The following NDNF variants were observed in gnomAD, a reference collection of about 807,000 sequenced individuals.
NDNF encodes the protein protein NDNF.
A neutral mutation model predicts 42.0 loss-of-function variants in NDNF; 16 were observed. The ratio of observed to expected loss-of-function variants is 0.38; its 90% confidence interval spans 0.26 to 0.58. NDNF has a LOEUF of 0.58. Among genes scored for constraint, NDNF ranks in the 20% least tolerant of loss-of-function variants. The pLI, the probability that NDNF is intolerant of heterozygous loss-of-function variation, is 0.67. For missense variants in NDNF, 616 were observed against 666.2 expected, an observed-to-expected ratio of 0.92 and a Z score of 0.83; for synonymous variants, 248 against 251.7, an observed-to-expected ratio of 0.99 and a Z score of 0.14.
chr4:121,054,788 A>G (rs527264186), intron 1 of NDNF, among the ~76,000 whole-genome samples: 1 of 152,190 alleles, frequency 6.6e-6, no homozygotes, highest in African/African-American at 2.4e-5. Context: ...TCACATCCAT[A>G]TTAAGGGGTT....
At chr4:121,039,058 T>C (rs1359022229) in intron 3 of NDNF, 9 of 147,770 alleles carry the variant, frequency 6.1e-5, no homozygotes, top group Non-Finnish European at 1.3e-4. Context: ...CACACTTCCA[T>C]AATTTTCCTA....
intron 2 of NDNF, 104 bp from the exon 3 acceptor site, chr4:121,040,158 A>G (rs938553139): frequency 8.3e-6 from 9 of 1,088,276 alleles, no homozygotes; most frequent in Non-Finnish European, 1.0e-5. Context: ...TTCATTTTAT[A>G]AATTTTATAA....
chr4:121,069,822 C>G (rs1727559291), intron 1 of NDNF, among the ~76,000 whole-genome samples: 1 of 152,008 alleles, frequency 6.6e-6, no homozygotes, highest in Admixed American at 6.5e-5. Flanking sequence ...CCCAGTTGTC[C>G]CTCTCTCCCC....
intron 1 of NDNF, among the ~76,000 whole-genome samples, chr4:121,052,069 G>C (rs75518252): frequency 6.6e-6 from 1 of 152,156 alleles, no homozygotes; most frequent in African/African-American, 2.4e-5. Flanking sequence ...TTACCTACCT[G>C]TGATAATATG....
Position 121,037,371 on chromosome 4 carries a change from G to A in NDNF, c.600C>T (p.Pro200=), listed in dbSNP as rs2148761917. Residue 200 remains proline, a synonymous_variant, in exon 4 of 4, where the codon CCC becomes CCT. Coordinates refer to ENST00000379692, the MANE Select transcript of NDNF (RefSeq NM_024574.4). Reference sequence around the variant, plus strand: ...TGGGTTGTTTCAGCAAAGAGGCAGTGGGGCTTGGTTTCCAGGCCAAAGTGA... The same window carrying A: ...TGGGTTGTTTCAGCAAAGAGGCAGTAGGGCTTGGTTTCCAGGCCAAAGTGA... The part of the protein sequence containing the change: ...TTVTLAWKPS[P]TASLLKQPIQ... 1.2e-6 allele frequency: 2 copies of A among 1,614,134 alleles called. No homozygotes were observed. The highest frequency in any genetic ancestry group is 1.7e-6 in the Non-Finnish European group (2 of 1,180,032).
At chr4:121,045,049 T>C (rs1293157037) in intron 2 of NDNF, among the ~76,000 whole-genome samples, 1 of 152,206 alleles carries the variant, frequency 6.6e-6, no homozygotes, top group South Asian at 2.1e-4. Context: ...GAATCCTTCT[T>C]AGAAATATCC....
chr4:121,055,406 A>G (rs1364688769), intron 1 of NDNF, among the ~76,000 whole-genome samples: 1 of 152,130 alleles, frequency 6.6e-6, no homozygotes, highest in Non-Finnish European at 1.5e-5. Flanking sequence ...GAAGGAAGTG[A>G]GGAAAAAAGA....
intron 1 of NDNF, among the ~76,000 whole-genome samples, chr4:121,067,152 T>C (rs1307727309): frequency 6.6e-6 from 1 of 152,230 alleles, no homozygotes; most frequent in Admixed American, 6.5e-5. Context: ...TTTTATTGAG[T>C]ACTCTCCAAA....
chr4:121,037,665 A>C lies in NDNF; in HGVS notation c.314-8T>G. On this transcript the variant is annotated splice_region_variant and splice_polypyrimidine_tract_variant and intron_variant, in intron 3 of 3. Coordinates refer to ENST00000379692, the MANE Select transcript of NDNF (RefSeq NM_024574.4). ...CAAGAGGTTCCAGATCACCTAGAAA[A>C]TACAGGAGAAGCACAGGCTACTGTC... 1 of 1,561,508 alleles carries C rather than the reference A, an allele frequency of 6.4e-7. No homozygotes were observed. The highest frequency in any genetic ancestry group is 1.2e-5 in the South Asian group (1 of 82,474).
At chr4:121,057,309 T>C (rs748724726) in intron 1 of NDNF, among the ~76,000 whole-genome samples, 4 of 152,062 alleles carry the variant, frequency 2.6e-5, no homozygotes, top group Non-Finnish European at 4.4e-5. Flanking sequence ...TACAGAGTCA[T>C]GGGATTTTGG....
intron 1 of NDNF, among the ~76,000 whole-genome samples, chr4:121,049,263 C>A (rs957071499): frequency 8.5e-5 from 13 of 152,206 alleles, no homozygotes; most frequent in Non-Finnish European, 1.5e-5. Flanking sequence ...TTTTGTTCCA[C>A]ATTATCTTTT....
chr4:121,063,695 T>C (rs1372088590), intron 1 of NDNF, among the ~76,000 whole-genome samples: 1 of 151,936 alleles, frequency 6.6e-6, no homozygotes, highest in African/African-American at 2.4e-5. Flanking sequence ...TGATTGGGGG[T>C]GTCGGGGGGG....
intron 3 of NDNF, among the ~76,000 whole-genome samples, chr4:121,038,572 A>C (rs535692114): frequency 6.6e-6 from 1 of 152,234 alleles, no homozygotes; most frequent in Admixed American, 6.5e-5. Flanking sequence ...TTGGTGAATG[A>C]CTGGGTAGCT....
chr4:121,053,153 A>C (rs1278309553), intron 1 of NDNF, among the ~76,000 whole-genome samples: 2 of 152,378 alleles, frequency 1.3e-5, no homozygotes, highest in East Asian at 3.9e-4. Flanking sequence ...TCTACAGATT[A>C]GGGACCTGCA....
At chr4:121,041,310 A>G (rs1037035365) in intron 2 of NDNF, among the ~76,000 whole-genome samples, 2 of 152,218 alleles carry the variant, frequency 1.3e-5, no homozygotes, top group Non-Finnish European at 2.9e-5. Context: ...CATTGATTCC[A>G]TGCAGAGAAA....
chr4:121,071,130 G>A (rs1440088303), intron 1 of NDNF, among the ~76,000 whole-genome samples: 2 of 152,168 alleles, frequency 1.3e-5, no homozygotes, highest in Admixed American at 6.5e-5. Flanking sequence ...GGTTATCGGG[G>A]CCGCGGCGAC....
intron 3 of NDNF, among the ~76,000 whole-genome samples, chr4:121,039,570 C>T (rs1301748370): frequency 6.6e-6 from 1 of 151,914 alleles, no homozygotes; most frequent in African/African-American, 2.4e-5. Flanking sequence ...TGGACCTCAC[C>T]CCATTCCAAT....
intron 1 of NDNF, among the ~76,000 whole-genome samples, chr4:121,060,649 A>G (rs953848190): frequency 1.3e-5 from 2 of 152,226 alleles, no homozygotes; most frequent in Admixed American, 1.3e-4. Context: ...AAACACTACC[A>G]ATAAATAAAA....
At chr4:121,047,894 T>C (rs1440262355) in intron 1 of NDNF, among the ~76,000 whole-genome samples, 2 of 151,990 alleles carry the variant, frequency 1.3e-5, no homozygotes, top group Non-Finnish European at 2.9e-5. Context: ...TGGGAGCTCA[T>C]GAGAGTTGCT....
Sources: gnomAD v4.1 joint callset for allele counts (sites outside exome capture counted in the v4.1 genomes callset) on GRCh38, gnomAD v4.1.1 for gene constraint, MANE v1.5 for transcripts, NCBI Gene and HGNC (gene_info 2026-07-23, HGNC 2026-07-21) for gene names.